The following EMILIN2 variants were observed in gnomAD, a reference collection of about 807,000 sequenced individuals.
EMILIN2 encodes elastin microfibril interfacer 2, also known as EMILIN-2.
EMILIN2 carries 71 observed loss-of-function variants against 87.1 expected under a neutral mutation model. That is an observed-to-expected ratio of 0.82 (90% CI 0.67 to 0.99). The LOEUF (loss-of-function observed/expected upper bound fraction) is 0.99, where lower values mean the gene tolerates loss of function less well. Ranked by LOEUF, EMILIN2 falls within the 50% of genes least tolerant of loss-of-function variation. The probability of loss-of-function intolerance (pLI) is 0.00; values close to 1 mark genes in which losing one functional copy is unlikely to be tolerated. For synonymous variants in EMILIN2, 581 were observed against 563.4 expected (o/e 1.03, Z -0.44); for missense variants, 1,407 against 1,371.8 (o/e 1.03, Z -0.40).
In EMILIN2 at chr18:2,909,727, G is replaced by A; in HGVS notation, c.2732G>A (p.Gly911Glu). The A allele has an allele frequency of 1.9e-6, 3 of 1,613,964 alleles. No homozygotes were observed. Among genetic ancestry groups the A allele is most frequent in the South Asian group, 1.1e-5 (1 of 91,052 alleles). The change falls in exon 7 of 8, where the codon GGG becomes GAG. Residue 911 changes from glycine to glutamate, a missense_variant. Transcript: ENST00000254528. ...PVPSLVSFSA[G>E]LTQKPFPSDG... is the part of the protein sequence containing the mutation. ...CCTTCTCTGGTGTCTTTTTCTGCGGGGCTCACCCAGAAGCCTTTCCCCAGT... is the reference window on the plus strand; with the variant it reads ...CCTTCTCTGGTGTCTTTTTCTGCGGAGCTCACCCAGAAGCCTTTCCCCAGT...
intron 2 of EMILIN2, among the ~76,000 whole-genome samples, chr18:2,852,621 C>T (rs1026711417): frequency 9.9e-5 from 15 of 152,152 alleles, no homozygotes; most frequent in Admixed American, 3.3e-4. Context: ...TGGGTTCAAG[C>T]GATTCTCCTG....
intron 2 of EMILIN2, among the ~76,000 whole-genome samples, chr18:2,863,124 T>G (rs1174887958): frequency 6.6e-6 from 1 of 152,232 alleles, no homozygotes; most frequent in African/African-American, 2.4e-5. Context: ...TCTTTATTAG[T>G]CTTGCTAGCG....
intron 7 of EMILIN2, among the ~76,000 whole-genome samples, chr18:2,910,097 A>G (rs978909414): frequency 5.3e-5 from 8 of 150,178 alleles, no homozygotes; most frequent in African/African-American, 2.0e-4. Flanking sequence ...TGGGGTTGCT[A>G]TTCATTTTTT....
intron 3 of EMILIN2, among the ~76,000 whole-genome samples, chr18:2,885,506 GT>G (rs2076798978): frequency 6.6e-6 from 1 of 152,088 alleles, no homozygotes; most frequent in Non-Finnish European, 1.5e-5. Context: ...ATTTAGGGGG[GT>G]TAAAATTGTT....
chr18:2,854,117 A>G (rs561521794), intron 2 of EMILIN2, among the ~76,000 whole-genome samples: 1 of 152,010 alleles, frequency 6.6e-6, no homozygotes, highest in South Asian at 2.1e-4. Flanking sequence ...TTGCCTCCCA[A>G]CTCAGGGCTG....
chr18:2,913,635 CAACTGGAA>C lies in EMILIN2; in HGVS notation c.*232_*239del. ...TGACTTTTCTGCCACTCTAACTGGA[CAACTGGAA>C]GACTTGGAAAGGCCTCCACCTGTAT... On this transcript the variant is annotated 3_prime_UTR_variant, in exon 8 of 8. Transcript: ENST00000254528. The C allele has an allele frequency of 2.2e-5, 11 of 508,648 alleles. No homozygotes were observed. Among genetic ancestry groups the C allele is most frequent in the South Asian group, 8.0e-5 (3 of 37,678 alleles). 31.5% of individuals were successfully genotyped at this position (508,648 alleles called of 1,614,324 possible).
intron 2 of EMILIN2, among the ~76,000 whole-genome samples, chr18:2,883,788 T>C: frequency 6.6e-6 from 1 of 152,334 alleles, no homozygotes; most frequent in East Asian, 1.9e-4. Context: ...CTTCCTGATT[T>C]CTGTCATTGA....
chr18:2,909,913 G>GTGGGCTCA, intron 7 of EMILIN2, 94 bp downstream of exon 7: 1 of 1,545,568 alleles, frequency 6.5e-7, no homozygotes, highest in Non-Finnish European at 8.7e-7. Flanking sequence ...CCAGCGTCCC[G>GTGGGCTCA]TGGGCTCAGG....
At chr18:2,889,057 A>AG (rs1195017458) in intron 3 of EMILIN2, among the ~76,000 whole-genome samples, 1 of 151,242 alleles carries the variant, frequency 6.6e-6, no homozygotes, top group African/African-American at 2.4e-5. Flanking sequence ...TATAGTTGCC[A>AG]GGTTTGTCAG....
chr18:2,911,320 G>C (rs149708430), intron 7 of EMILIN2, among the ~76,000 whole-genome samples: 6 of 152,338 alleles, frequency 3.9e-5, no homozygotes, highest in South Asian at 4.1e-4. Context: ...CTGGAGTTGT[G>C]CATGTGCCCA....
At chr18:2,901,620 A>T (rs929180676) in intron 4 of EMILIN2, among the ~76,000 whole-genome samples, 2 of 152,194 alleles carry the variant, frequency 1.3e-5, no homozygotes, top group Non-Finnish European at 2.9e-5. Context: ...GTCTGTCCCT[A>T]TCATTCCTCA....
intron 2 of EMILIN2, among the ~76,000 whole-genome samples, chr18:2,852,059 G>A (rs983883465): frequency 4.6e-5 from 7 of 152,072 alleles, no homozygotes; most frequent in African/African-American, 4.8e-5. Context: ...GTGTGCTTTC[G>A]GTAGGTTGCA....
rs1412626644 is a variant in EMILIN2, at chr18:2,880,760, C to G, written c.258-4204C>G. Reference sequence around the variant, plus strand: ...GGGCCCCTGGGGATGCTTGGGCCGCCTGTCTCTGTTTCATGTCCCCTGCCT... The same window carrying G: ...GGGCCCCTGGGGATGCTTGGGCCGCGTGTCTCTGTTTCATGTCCCCTGCCT... On this transcript the variant is annotated intron_variant, in intron 2 of 7. Coordinates refer to ENST00000254528, the MANE Select transcript of EMILIN2 (RefSeq NM_032048.3). This position sits in a 1 kb window ranked among gnomAD's most constrained non-coding sequence, Gnocchi z 4.1. 6.6e-6 allele frequency among the ~76,000 whole-genome samples: 1 copy of G among 152,186 alleles called. No individual in the cohort carries two copies. The highest frequency in any genetic ancestry group is 1.5e-5 in the Non-Finnish European group (1 of 68,032).
intron 2 of EMILIN2, among the ~76,000 whole-genome samples, chr18:2,862,949 G>A (rs2076668378): frequency 3.9e-5 from 6 of 152,126 alleles, no homozygotes. Context: ...TTTAGTCTTG[G>A]GAGGGCATAT....
intron 2 of EMILIN2, among the ~76,000 whole-genome samples, chr18:2,874,879 G>A (rs539450618): frequency 5.3e-5 from 8 of 152,212 alleles, no homozygotes; most frequent in Non-Finnish European, 7.3e-5. Context: ...GACTGGCACC[G>A]TTTACAGGCG....
At chr18:2,846,808 T>C (rs1180883269), upstream of EMILIN2, 1 of 985,304 alleles carries the variant, frequency 1.0e-6, no homozygotes, top group African/African-American at 1.7e-5. The surrounding 1 kb of genome is among the most constrained non-coding windows in gnomAD (Gnocchi z 5.3). Context: ...GGAAATGCTG[T>C]AACGTAGACC....
intron 2 of EMILIN2, among the ~76,000 whole-genome samples, chr18:2,852,058 C>T (rs889237600): frequency 7.9e-5 from 12 of 152,162 alleles, no homozygotes; most frequent in Non-Finnish European, 1.6e-4. Context: ...TGTGTGCTTT[C>T]GGTAGGTTGC....
rs1327769262 is a variant in EMILIN2 at position 2,891,172 on chromosome 18, A to G, written c.1045A>G (p.Thr349Ala). The G allele has an allele frequency of 6.2e-7, 1 of 1,614,114 alleles. No individual in the cohort carries two copies. The highest frequency in any genetic ancestry group is 1.3e-5 in the African/African-American group (1 of 74,948). The change falls in exon 4 of 8, where the codon ACT (threonine) becomes GCT (alanine). Residue 349 changes from threonine (T) to alanine (A), a missense_variant. By Grantham distance (58) the Thr-to-Ala change is moderately conservative. Transcript: ENST00000254528. The surrounding 1 kb of genome is among the most constrained non-coding windows in gnomAD (Gnocchi z 4.6). ...GAAAAACTCATGTGAGTACAAGCTC[A>G]CTGGCCTCCAGCAGCAGTGTGATGA... The part of the protein sequence containing the change: ...DLKNSCEYKL[T>A]GLQQQCDDYG...
chr18:2,848,631 C>G lies in EMILIN2; in HGVS notation c.257+700C>G, dbSNP rs644288. On this transcript the variant is annotated intron_variant, in intron 2 of 7. Coordinates refer to ENST00000254528, the MANE Select transcript of EMILIN2 (RefSeq NM_032048.3). This position sits in a 1 kb window ranked among gnomAD's most constrained non-coding sequence, Gnocchi z 4.1. ...AAACAGGAAGCAATGCAATAAAGTA[C>G]AAATGCCGTTAAATACATGACACTC... Among the ~76,000 whole-genome samples the G allele has an allele frequency of 0.37, 56,379 of 150,640 alleles. 11,750 individuals carry two copies. The highest frequency in any genetic ancestry group is 0.57 in the African/African-American group (23,370 of 41,032).
Sources: allele counts gnomAD v4.1 joint callset (sites outside exome capture counted in the v4.1 genomes callset), GRCh38; gene constraint gnomAD v4.1.1; non-coding constraint Gnocchi (gnomAD v3.1); transcripts MANE v1.5; gene names NCBI Gene and HGNC (gene_info 2026-07-23, HGNC 2026-07-21).